The following TNFRSF6B variants were observed in gnomAD, a reference collection of about 807,000 sequenced individuals.
TNFRSF6B encodes the protein TNF receptor superfamily member 6b.
TNFRSF6B carries 23 observed loss-of-function variants against 17.9 expected under a neutral mutation model. That is an observed-to-expected ratio of 1.28 (90% CI 0.92 to 1.82). The LOEUF is 1.82. TNFRSF6B is among the 40% of genes most tolerant of loss of function. TNFRSF6B has a pLI of 0.00. For missense variants in TNFRSF6B, 555 were observed against 437.2 expected, an observed-to-expected ratio of 1.27 and a Z score of -2.40; for synonymous variants, 291 against 195.8, an observed-to-expected ratio of 1.49 and a Z score of -4.06.
At position 63,698,641 on chromosome 20, in the gene TNFRSF6B, A is replaced by G. The variant is rs2091040573; in HGVS notation, c.*78A>G. On this transcript the variant is annotated 3_prime_UTR_variant, in exon 3 of 3. Coordinates refer to ENST00000369996, the MANE Select transcript of TNFRSF6B (RefSeq NM_003823.4). Reference sequence around the variant, plus strand: ...AGAGGCTTTTTTTTAAATAGAAGAAATGAGGTTTCTTAAAGCTTATTTTTA... The same window carrying G: ...AGAGGCTTTTTTTTAAATAGAAGAAGTGAGGTTTCTTAAAGCTTATTTTTA... The G allele has an allele frequency of 1.5e-6, 2 of 1,367,634 alleles. No homozygotes were observed. The highest frequency in any genetic ancestry group is 1.9e-6 in the Non-Finnish European group (2 of 1,049,942). The allele number at this position is 1,367,634 out of a possible 1,614,324, so 84.7% of individuals were successfully genotyped here.
rs750982502 is a variant in TNFRSF6B at position 63,697,279 on chromosome 20, G to C, written c.425-49G>C. 8 of 1,576,844 alleles carry C rather than the reference G, an allele frequency of 5.1e-6. No individual in the cohort carries two copies. In the South Asian group the frequency reaches 9.2e-5, roughly 18 times the overall value. ...GTTGCTGGTCCCAGCCTTGCACCCT[G>C]AGCTAGGACACCAGTTCCCCTGACC... On this transcript the variant is annotated intron_variant, in intron 1 of 2. Transcript: ENST00000369996.
chr20:63,696,983 G>C lies in TNFRSF6B; in HGVS notation c.216G>C (p.Pro72=). The change falls in exon 1 of 3, where the codon CCG becomes CCC. Residue 72 remains proline, a synonymous_variant. Coordinates refer to ENST00000369996, the MANE Select transcript of TNFRSF6B (RefSeq NM_003823.4). ...GAGACAGCCCCACGACGTGTGGCCC[G>C]TGTCCACCGCGCCACTACACGCAGT... is the stretch of plus-strand genomic sequence containing the variant. The part of the protein sequence containing the change: ...CRRDSPTTCG[P]CPPRHYTQFW... 7 of 1,608,488 alleles carry C rather than the reference G, an allele frequency of 4.4e-6. No individual in the cohort carries two copies. The East Asian group carries it at 1.3e-4, about 31-fold the overall frequency.
In TNFRSF6B at chr20:63,698,579, A is replaced by T; in HGVS notation, c.*16A>T. The T allele has an allele frequency of 6.8e-7, 1 of 1,473,510 alleles. No homozygotes were observed. The highest frequency in any genetic ancestry group is 9.0e-7 in the Non-Finnish European group (1 of 1,116,672). 91.3% of individuals were successfully genotyped at this position (1,473,510 alleles called of 1,614,324 possible). ...TGTGCACTGATCCTGGCCCCCTCTT[A>T]TTTATTCTACATCCTTGGCACCCCA... On this transcript the variant is annotated 3_prime_UTR_variant, in exon 3 of 3. Transcript: ENST00000369996.
rs977539445 is a variant in TNFRSF6B at position 63,698,661 on chromosome 20, T to G, written c.*98T>G. ...AAGAAATGAGGTTTCTTAAAGCTTATTTTTATAAAGCTTTTTCATAAAACT... is the reference window on the plus strand; with the variant it reads ...AAGAAATGAGGTTTCTTAAAGCTTAGTTTTATAAAGCTTTTTCATAAAACT... On this transcript the variant is annotated 3_prime_UTR_variant, in exon 3 of 3. Transcript: ENST00000369996. 1 of 1,292,878 alleles carries G rather than the reference T, an allele frequency of 7.7e-7. No homozygotes were observed. Among genetic ancestry groups the G allele is most frequent in the African/African-American group, 1.9e-5 (1 of 51,588 alleles). 80.1% of individuals were successfully genotyped at this position (1,292,878 alleles called of 1,614,324 possible). A position where few individuals can be genotyped will look rare whatever the true frequency, so the allele number is the denominator to read the frequency against.
Position 63,697,402 on chromosome 20 carries a change from C to G in TNFRSF6B, c.499C>G (p.Gln167Glu), listed in dbSNP as rs1215373733. The G allele has an allele frequency of 6.2e-7, 1 of 1,611,518 alleles. No individual in the cohort carries two copies. Among genetic ancestry groups the G allele is most frequent in the South Asian group, 1.1e-5 (1 of 90,866 alleles). Residue 167 changes from glutamine (Q) to glutamate (E), a missense_variant, in exon 2 of 3, where the codon CAG (glutamine) becomes GAG (glutamate). Physicochemically the swap from Gln to Glu is conservative, Grantham distance 29. Coordinates refer to ENST00000369996, the MANE Select transcript of TNFRSF6B (RefSeq NM_003823.4). ...TFSASSSSSE[Q>E]CQPHRNCTAL... ...CTCAGCCAGCAGCTCCAGCTCAGAG[C>G]AGTGCCAGCCCCACCGCAACTGCAC...
chr20:63,698,583 A>T lies in TNFRSF6B; in HGVS notation c.*20A>T. ...CACTGATCCTGGCCCCCTCTTATTT[A>T]TTCTACATCCTTGGCACCCCACTTG... On this transcript the variant is annotated 3_prime_UTR_variant, in exon 3 of 3. Transcript: ENST00000369996. The T allele has an allele frequency of 1.4e-6, 2 of 1,469,138 alleles. No homozygotes were observed. Among genetic ancestry groups the T allele is most frequent in the Non-Finnish European group, 1.8e-6 (2 of 1,114,006 alleles). 91.0% of individuals were successfully genotyped at this position (1,469,138 alleles called of 1,614,324 possible).
intron 2 of TNFRSF6B, 116 bp downstream of exon 2, chr20:63,697,638 C>T (rs2091011075): frequency 8.4e-7 from 1 of 1,186,466 alleles, no homozygotes. Context: ...GGGAAGGGGC[C>T]ACAGTGGATT....
chr20:63,696,823 C>G lies in TNFRSF6B; in HGVS notation c.56C>G (p.Pro19Arg), dbSNP rs763121875. The change falls in exon 1 of 3, where the codon CCT becomes CGT. Residue 19 changes from proline to arginine, a missense_variant. Coordinates refer to ENST00000369996, the MANE Select transcript of TNFRSF6B (RefSeq NM_003823.4). ...LSLLCLVLAL[P>R]ALLPVPAVRG... ...CTGCTGTGCCTGGTGTTGGCGCTGC[C>G]TGCCCTGCTGCCGGTGCCGGCTGTA... The G allele has an allele frequency of 1.2e-6, 2 of 1,609,744 alleles. No individual in the cohort carries two copies. Among genetic ancestry groups the G allele is most frequent in the South Asian group, 2.2e-5 (2 of 90,564 alleles).
intron 2 of TNFRSF6B, 51 bp downstream of exon 2, chr20:63,697,573 G>T: frequency 6.7e-7 from 1 of 1,482,604 alleles, no homozygotes. Context: ...GCCCACTTGT[G>T]CCCTCACTCC....
At chr20:63,697,643 T>A in intron 2 of TNFRSF6B, 121 bp downstream of exon 2, 1 of 1,126,678 alleles carries the variant, frequency 8.9e-7, no homozygotes, top group Non-Finnish European at 1.2e-6. Flanking sequence ...GGGGCCACAG[T>A]GGATTTGAGG....
chr20:63,698,196 G>A (rs555561862), intron 2 of TNFRSF6B, 84 bp from the exon 3 acceptor site: 3 of 1,533,382 alleles, frequency 2.0e-6, no homozygotes, highest in African/African-American at 1.4e-5. Context: ...CCCCGAGTGG[G>A]GCCCAGAAAG....
chr20:63,697,735 G>T (rs2091013422), intron 2 of TNFRSF6B, among the ~76,000 whole-genome samples: 1 of 152,194 alleles, frequency 6.6e-6, no homozygotes, highest in African/African-American at 2.4e-5. Flanking sequence ...CCAGGGCACA[G>T]CCTCCCCTGG....
Position 63,696,659 on chromosome 20 carries a change from G to C in TNFRSF6B, c.-109G>C. 2 of 1,267,440 alleles carry C rather than the reference G, an allele frequency of 1.6e-6. No individual in the cohort carries two copies. The highest frequency in any genetic ancestry group is 2.1e-6 in the Non-Finnish European group (2 of 946,472). The allele number at this position is 1,267,440 out of a possible 1,614,324, so 78.5% of individuals were successfully genotyped here. ...GCAGCAGGATGGGCTTCTGGACTTGGGCGGCCCCTCCGCAGGCGGACCGGG... is the reference window on the plus strand; with the variant it reads ...GCAGCAGGATGGGCTTCTGGACTTGCGCGGCCCCTCCGCAGGCGGACCGGG... On this transcript the variant is annotated 5_prime_UTR_variant, in exon 1 of 3. Coordinates refer to ENST00000369996, the MANE Select transcript of TNFRSF6B (RefSeq NM_003823.4).
Position 63,698,621 on chromosome 20 carries a change from C to CTT in TNFRSF6B, c.*65_*66dup. 1 of 1,405,194 alleles carries CTT rather than the reference C, an allele frequency of 7.1e-7. No homozygotes were observed. The highest frequency in any genetic ancestry group is 2.8e-5 in the East Asian group (1 of 35,920). The allele number at this position is 1,405,194 out of a possible 1,614,324, so 87.0% of individuals were successfully genotyped here. On this transcript the variant is annotated 3_prime_UTR_variant, in exon 3 of 3. Coordinates refer to ENST00000369996, the MANE Select transcript of TNFRSF6B (RefSeq NM_003823.4). Reference sequence around the variant, plus strand: ...GGCACCCCACTTGCACTGAAAGAGGCTTTTTTTTAAATAGAAGAAATGAGG... The same window carrying CTT: ...GGCACCCCACTTGCACTGAAAGAGGCTTTTTTTTTTAAATAGAAGAAATGAGG...
chr20:63,697,592 C>T, intron 2 of TNFRSF6B, 70 bp downstream of exon 2: 2 of 1,432,700 alleles, frequency 1.4e-6, no homozygotes, highest in South Asian at 1.4e-5. Context: ...CCTGCCCCTG[C>T]ACGTGCATCT....
chr20:63,698,104 C>T (rs1180113302), intron 2 of TNFRSF6B, among the ~76,000 whole-genome samples, 176 bp from the exon 3 acceptor site: 1 of 152,204 alleles, frequency 6.6e-6, no homozygotes, highest in Non-Finnish European at 1.5e-5. Flanking sequence ...ACCGAAGGCT[C>T]CTGCCCCTTC....
At chr20:63,697,617 C>A in intron 2 of TNFRSF6B, 95 bp downstream of exon 2, 2 of 1,335,480 alleles carry the variant, frequency 1.5e-6, no homozygotes, top group Non-Finnish European at 2.0e-6. Context: ...TGAGGCATGC[C>A]AGCTGGCTCT....
rs1356069448 is a variant in TNFRSF6B at position 63,698,610 on chromosome 20, A to C, written c.*47A>C. 7.0e-7 allele frequency: 1 copy of C among 1,438,628 alleles called. No individual in the cohort carries two copies. The highest frequency in any genetic ancestry group is 9.1e-7 in the Non-Finnish European group (1 of 1,096,556). The allele number at this position is 1,438,628 out of a possible 1,614,324, so 89.1% of individuals were successfully genotyped here. Reference sequence around the variant, plus strand: ...TCTACATCCTTGGCACCCCACTTGCACTGAAAGAGGCTTTTTTTTAAATAG... The same window carrying C: ...TCTACATCCTTGGCACCCCACTTGCCCTGAAAGAGGCTTTTTTTTAAATAG... On this transcript the variant is annotated 3_prime_UTR_variant, in exon 3 of 3. Transcript: ENST00000369996.
chr20:63,698,470 G>A lies in TNFRSF6B; in HGVS notation c.810G>A (p.Gly270=). ...RLTELLGAQD[G]ALLVRLLQAL... ...CGGAGCTCCTGGGGGCGCAGGACGG[G>A]GCGCTGCTGGTGCGGCTGCTGCAGG... is the stretch of plus-strand genomic sequence containing the variant. The change falls in exon 3 of 3, where the codon GGG becomes GGA. Residue 270 remains glycine (G), a synonymous_variant. Coordinates refer to ENST00000369996, the MANE Select transcript of TNFRSF6B (RefSeq NM_003823.4). The A allele has an allele frequency of 1.3e-6, 2 of 1,556,380 alleles. No homozygotes were observed. The highest frequency in any genetic ancestry group is 2.4e-5 in the South Asian group (2 of 83,890).
Sources: allele counts gnomAD v4.1 joint callset (sites outside exome capture counted in the v4.1 genomes callset), GRCh38; gene constraint gnomAD v4.1.1; transcripts MANE v1.5; gene names NCBI Gene and HGNC (gene_info 2026-07-23, HGNC 2026-07-21).